PCDHGA11: variants seen among roughly 807,000 people sequenced by gnomAD.
PCDHGA11 encodes protocadherin gamma-A11.
Under a neutral mutation model 60.4 loss-of-function variants are expected in PCDHGA11, and 39 were observed. The observed-to-expected ratio is 0.65, with a 90% CI of 0.50 to 0.84. The LOEUF (loss-of-function observed/expected upper bound fraction) is 0.84. PCDHGA11 is among the 40% of genes least tolerant of loss of function. The pLI, the probability that PCDHGA11 is intolerant of heterozygous loss-of-function variation, is 0.00. For synonymous variants in PCDHGA11, 533 were observed against 510.3 expected (o/e 1.04, Z -0.60); for missense variants, 1,165 against 1,197.7 (o/e 0.97, Z 0.40).
rs543116266 is a variant in PCDHGA11 at position 141,474,428 on chromosome 5, C to A, written c.2434-20379C>A. 3.9e-5 allele frequency among the ~76,000 whole-genome samples: 6 copies of A among 152,346 alleles called. 1 individual carries two copies. In the South Asian group the frequency reaches 1.0e-3, roughly 26 times the overall value. On this transcript the variant is annotated intron_variant, in intron 1 of 3. Coordinates refer to ENST00000398587, the MANE Select transcript of PCDHGA11 (RefSeq NM_018914.3). ...CGGTGATGCCTAGACCATTGGTCCT[C>A]ACACTTTGAGTAGCAAGTGATTGGG...
In PCDHGA11 at chr5:141,494,027, G is replaced by A. The variant is rs77020157; in HGVS notation, c.2434-780G>A. 1.5e-4 allele frequency among the ~76,000 whole-genome samples: 23 copies of A among 152,298 alleles called. No homozygotes were observed. In the East Asian group the frequency reaches 3.3e-3, roughly 22 times the overall value. ...ACACATCAGCCCCTTGGGAGCCCTGGAGACTTAGTTGGCCCTGCTTGGAGG... is the reference window on the plus strand; with the variant it reads ...ACACATCAGCCCCTTGGGAGCCCTGAAGACTTAGTTGGCCCTGCTTGGAGG... On this transcript the variant is annotated intron_variant, in intron 1 of 3. Coordinates refer to ENST00000398587, the MANE Select transcript of PCDHGA11 (RefSeq NM_018914.3).
Position 141,422,786 on chromosome 5 carries a change from C to T in PCDHGA11, c.1559C>T (p.Ser520Phe). 1 of 1,614,178 alleles carries T rather than the reference C, an allele frequency of 6.2e-7. No homozygotes were observed. Among genetic ancestry groups the T allele is most frequent in the Non-Finnish European group, 8.5e-7 (1 of 1,180,008 alleles). The change falls in exon 1 of 4, where the codon TCC (serine) becomes TTC (phenylalanine). Residue 520 changes from serine (S) to phenylalanine (F), a missense_variant. Coordinates refer to ENST00000398587, the MANE Select transcript of PCDHGA11 (RefSeq NM_018914.3). ...ACTGGTGTTCTCTATGCCCTACAAT[C>T]CTTCGACTATGAGCAGTTTCGAGAC... Reference protein sequence around the residue: ...SNTGVLYALQSFDYEQFRDLE... With the variant: ...SNTGVLYALQFFDYEQFRDLE...
In PCDHGA11 at chr5:141,487,883, G is replaced by A; in HGVS notation, c.2434-6924G>A. ...GGTGATCAAGAGCCAGGCTGTTGTG[G>A]AAGCATGATGATGGAATGTGGGAGC... is the stretch of plus-strand genomic sequence containing the variant. On this transcript the variant is annotated intron_variant, in intron 1 of 3. Transcript: ENST00000398587. This position sits in a 1 kb window ranked among gnomAD's most constrained non-coding sequence, Gnocchi z 5.0. The A allele has an allele frequency of 1.3e-6, 1 of 766,586 alleles. No homozygotes were observed. The highest frequency in any genetic ancestry group is 1.8e-5 in the South Asian group (1 of 55,094). 47.5% of individuals were successfully genotyped at this position (766,586 alleles called of 1,614,324 possible).
In PCDHGA11 at chr5:141,445,037, GT is replaced by G. The variant is rs2098454887; in HGVS notation, c.2433+21381del. 5.3e-5 allele frequency among the ~76,000 whole-genome samples: 8 copies of G among 152,072 alleles called. No homozygotes were observed. In the South Asian group the frequency reaches 1.7e-3, roughly 32 times the overall value. On this transcript the variant is annotated intron_variant, in intron 1 of 3. Transcript: ENST00000398587. ...TAATTTCTCTCAGCTATGTTGTATAGTTTTCAGTGTAGAGAGGTCATGTATA... is the reference window on the plus strand; with the variant it reads ...TAATTTCTCTCAGCTATGTTGTATAGTTTCAGTGTAGAGAGGTCATGTATA...
At chr5:141,450,898 C>T (rs929869116) in intron 1 of PCDHGA11, among the ~76,000 whole-genome samples, 12 of 150,412 alleles carry the variant, frequency 8.0e-5, no homozygotes, top group African/African-American at 2.9e-4. Context: ...GATATCGGCT[C>T]ACTGCAACCG....
chr5:141,437,648 A>G (rs1291089695), intron 1 of PCDHGA11, among the ~76,000 whole-genome samples: 2 of 152,204 alleles, frequency 1.3e-5, no homozygotes, highest in African/African-American at 4.8e-5. Context: ...AGAAAAGCAA[A>G]CACATAGTTT....
intron 3 of PCDHGA11, 90 bp from the exon 4 acceptor site, chr5:141,510,857 A>G (rs1184962556): frequency 6.2e-7 from 1 of 1,605,538 alleles, no homozygotes; most frequent in Non-Finnish European, 8.5e-7. Flanking sequence ...AGGGTGCTGT[A>G]TAGGCATTCA....
intron 1 of PCDHGA11, chr5:141,423,979 G>A: frequency 9.0e-7 from 1 of 1,115,484 alleles, no homozygotes. Flanking sequence ...CAGTGTATGA[G>A]GCTCTCAATT....
At chr5:141,495,007 G>A in intron 2 of PCDHGA11, 142 bp downstream of exon 2, 4 of 1,522,158 alleles carry the variant, frequency 2.6e-6, no homozygotes, top group Non-Finnish European at 3.5e-6. Context: ...TTGGTGTGCG[G>A]GGGGCTGGCA....
chr5:141,490,030 C>G lies in PCDHGA11; in HGVS notation c.2434-4777C>G, dbSNP rs1361758608. The G allele has an allele frequency of 1.2e-6, 2 of 1,614,150 alleles. No individual in the cohort carries two copies. Among genetic ancestry groups the G allele is most frequent in the African/African-American group, 2.7e-5 (2 of 74,936 alleles). The stretch of plus-strand genomic sequence containing the variant: ...ACCCATTGGTACTCTGCTGCTCCGC[C>G]TCAATGCCACTGATCCAGACGAGGG... On this transcript the variant is annotated intron_variant, in intron 1 of 3. Coordinates refer to ENST00000398587, the MANE Select transcript of PCDHGA11 (RefSeq NM_018914.3). This position sits in a 1 kb window ranked among gnomAD's most constrained non-coding sequence, Gnocchi z 5.4.
In PCDHGA11 at chr5:141,431,187, G is replaced by C. The variant is rs748150837; in HGVS notation, c.2433+7527G>C. On this transcript the variant is annotated intron_variant, in intron 1 of 3. Transcript: ENST00000398587. This position sits in a 1 kb window ranked among gnomAD's most constrained non-coding sequence, Gnocchi z 4.8. ...GAAAGTGAATTAGAAATAAAAATTAGTGAAAATGCAGCCACTGAGATGCGG... is the reference window on the plus strand; with the variant it reads ...GAAAGTGAATTAGAAATAAAAATTACTGAAAATGCAGCCACTGAGATGCGG... 4.3e-6 allele frequency: 7 copies of C among 1,614,102 alleles called. No homozygotes were observed. The Admixed American group carries it at 1.2e-4, about 27-fold the overall frequency.
intron 1 of PCDHGA11, among the ~76,000 whole-genome samples, chr5:141,451,854 C>T (rs1243479409): frequency 6.6e-6 from 1 of 152,058 alleles, no homozygotes; most frequent in Non-Finnish European, 1.5e-5. Flanking sequence ...CCACTCCAGC[C>T]TAGGCCACAG....
At chr5:141,441,527 A>G (rs2098252922) in intron 1 of PCDHGA11, 2 of 173,076 alleles carry the variant, frequency 1.2e-5, no homozygotes, top group African/African-American at 2.4e-5. Flanking sequence ...GTGGCCAAGA[A>G]CAATCTTCCC....
At position 141,489,632 on chromosome 5, in the gene PCDHGA11, C is replaced by T; in HGVS notation, c.2434-5175C>T. 6.2e-7 allele frequency: 1 copy of T among 1,614,138 alleles called. No homozygotes were observed. Among genetic ancestry groups the T allele is most frequent in the Non-Finnish European group, 8.5e-7 (1 of 1,180,010 alleles). Reference sequence around the variant, plus strand: ...ATCCTGGATCTCAATGACAACTCTCCTAGCTTTGCCACCCCTGAGCGAGAG... The same window carrying T: ...ATCCTGGATCTCAATGACAACTCTCTTAGCTTTGCCACCCCTGAGCGAGAG... On this transcript the variant is annotated intron_variant, in intron 1 of 3. Transcript: ENST00000398587. The surrounding 1 kb of genome is among the most constrained non-coding windows in gnomAD (Gnocchi z 4.5).
chr5:141,501,897 C>T (rs796164763), intron 2 of PCDHGA11, among the ~76,000 whole-genome samples: 17 of 152,230 alleles, frequency 1.1e-4, no homozygotes, highest in African/African-American at 3.4e-4. Flanking sequence ...ATCATGGTTC[C>T]AACCCCACTG....
At position 141,489,720 on chromosome 5, in the gene PCDHGA11, G is replaced by T. The variant is rs560729125; in HGVS notation, c.2434-5087G>T. 1.9e-6 allele frequency: 3 copies of T among 1,614,200 alleles called. No individual in the cohort carries two copies. Among genetic ancestry groups the T allele is most frequent in the Middle Eastern group, 1.6e-4 (1 of 6,062 alleles). ...TCCCACTGGACAGTGCCCAGGATCC[G>T]GATGTGGGCACCAATACTGTGAGCT... On this transcript the variant is annotated intron_variant, in intron 1 of 3. Transcript: ENST00000398587. This position sits in a 1 kb window ranked among gnomAD's most constrained non-coding sequence, Gnocchi z 4.5.
At chr5:141,424,022 AAC>A (rs1390245883) in intron 1 of PCDHGA11, 1 of 1,046,586 alleles carries the variant, frequency 9.6e-7, no homozygotes, top group Non-Finnish European at 1.2e-6. Flanking sequence ...ATGATTCACA[AAC>A]ACTTTTTATT....
Position 141,457,874 on chromosome 5 carries a change from G to A in PCDHGA11, c.2433+34214G>A, listed in dbSNP as rs1592531610. Among the ~76,000 whole-genome samples, 7 of 152,320 alleles carry A rather than the reference G, an allele frequency of 4.6e-5. No homozygotes were observed. In the South Asian group the frequency reaches 1.5e-3, roughly 32 times the overall value. On this transcript the variant is annotated intron_variant, in intron 1 of 3. Transcript: ENST00000398587. ...ACATTCTTCACTGACCACAGGTTAGGAACCCTGTGTGGGGACTGTGTAGAC... is the reference window on the plus strand; with the variant it reads ...ACATTCTTCACTGACCACAGGTTAGAAACCCTGTGTGGGGACTGTGTAGAC...
rs377367120 is a variant in PCDHGA11, at chr5:141,431,614, C to A, written c.2433+7954C>A. On this transcript the variant is annotated intron_variant, in intron 1 of 3. Transcript: ENST00000398587. The surrounding 1 kb of genome is among the most constrained non-coding windows in gnomAD (Gnocchi z 4.8). ...TGAGGTATTCCTTCCGGTATGTGGA[C>A]GACAAGGCGGCCCAAGTTTTCAAAC... The A allele has an allele frequency of 8.7e-6, 14 of 1,614,206 alleles. No individual in the cohort carries two copies. In the African/African-American group the frequency reaches 1.6e-4, roughly 18 times the overall value.
Sources: gnomAD v4.1 joint callset for allele counts (sites outside exome capture counted in the v4.1 genomes callset) on GRCh38, gnomAD v4.1.1 for gene constraint, Gnocchi (gnomAD v3.1) non-coding constraint, MANE v1.5 for transcripts, NCBI Gene and HGNC (gene_info 2026-07-23, HGNC 2026-07-21) for gene names.